SNX13: variants seen among roughly 807,000 people sequenced by gnomAD.
SNX13 encodes the protein sorting nexin 13, also known as sorting nexin-13.
Under a neutral mutation model 133.6 loss-of-function variants are expected in SNX13, and 45 were observed. The observed-to-expected ratio is 0.34, with a 90% CI of 0.27 to 0.43. The LOEUF (loss-of-function observed/expected upper bound fraction) is 0.43. SNX13 is among the 20% of genes least tolerant of loss of function. SNX13 has a pLI of 1.00. For missense variants in SNX13, 1,032 were observed against 1,145.1 expected (o/e 0.90, Z 1.43); for synonymous variants, 414 against 373.9 (o/e 1.11, Z -1.24).
intron 1 of SNX13, among the ~76,000 whole-genome samples, chr7:17,937,194 G>C (rs773170897): frequency 6.6e-6 from 1 of 151,494 alleles, no homozygotes; most frequent in Admixed American, 6.6e-5. Flanking sequence ...AACTATATGG[G>C]AGCTATACTT....
At chr7:17,801,277 T>A (rs139098609) in intron 22 of SNX13, among the ~76,000 whole-genome samples, 8 of 151,540 alleles carry the variant, frequency 5.3e-5, no homozygotes, top group Non-Finnish European at 1.0e-4. Context: ...TCAGACTTCA[T>A]GGAATACGTA....
chr7:17,832,131 G>C, intron 15 of SNX13: 1 of 984,036 alleles, frequency 1.0e-6, no homozygotes, highest in African/African-American at 1.7e-5. Flanking sequence ...CTCAATAACT[G>C]ATATATAAGA....
chr7:17,851,109 AC>A (rs1156696825), intron 9 of SNX13, 145 bp from the exon 10 acceptor site: 1 of 753,064 alleles, frequency 1.3e-6, no homozygotes, highest in Non-Finnish European at 2.1e-6. Context: ...ATATTTGGGC[AC>A]CTATTTTCCA....
chr7:17,883,069 G>A (rs1795554977), intron 5 of SNX13: 9 of 258,900 alleles, frequency 3.5e-5, no homozygotes, highest in South Asian at 3.1e-4. Context: ...AAGCAAATTG[G>A]TGGAAACGAA....
At chr7:17,896,606 T>C (rs1395862982) in intron 2 of SNX13, among the ~76,000 whole-genome samples, 1 of 152,144 alleles carries the variant, frequency 6.6e-6, no homozygotes, top group Non-Finnish European at 1.5e-5. Flanking sequence ...CACAACTAAC[T>C]ACATAAATAC....
At chr7:17,898,279 A>G (rs529933150) in intron 1 of SNX13, 38 of 152,354 alleles carry the variant, frequency 2.5e-4, no homozygotes, top group African/African-American at 9.1e-4. Context: ...TCATGCCGTC[A>G]AGGAGCATAG....
intron 1 of SNX13, among the ~76,000 whole-genome samples, chr7:17,921,960 A>G (rs900702186): frequency 6.6e-6 from 1 of 152,186 alleles, no homozygotes; most frequent in Non-Finnish European, 1.5e-5. Context: ...TATCATAAGC[A>G]TTTCACCTCC....
At chr7:17,845,511 A>T (rs930159582) in intron 12 of SNX13, 84 bp downstream of exon 12, 3 of 815,894 alleles carry the variant, frequency 3.7e-6, no homozygotes, top group African/African-American at 1.8e-5. Flanking sequence ...TAGTTGAGAT[A>T]CTAAATTTTA....
At chr7:17,938,539 A>C (rs1802376658) in intron 1 of SNX13, among the ~76,000 whole-genome samples, 1 of 152,228 alleles carries the variant, frequency 6.6e-6, no homozygotes, top group African/African-American at 2.4e-5. Context: ...CCAAGGTTGG[A>C]ATCCTGCTTC....
rs74669599 is a variant in SNX13, at chr7:17,903,846, G to A, written c.13-6400C>T. Among the ~76,000 whole-genome samples, 3 of 152,202 alleles carry A rather than the reference G, an allele frequency of 2.0e-5. No individual in the cohort carries two copies. The East Asian group carries it at 5.8e-4, about 29-fold the overall frequency. On this transcript the variant is annotated intron_variant, in intron 1 of 25. Transcript: ENST00000428135. ...CAAGAAAGTAGTCAGAAAACTACCT[G>A]CAATAAGTGAATATAATAAATTCCT...
chr7:17,812,396 A>G (rs1335956197), intron 20 of SNX13, among the ~76,000 whole-genome samples: 3 of 152,218 alleles, frequency 2.0e-5, no homozygotes, highest in African/African-American at 7.2e-5. Flanking sequence ...CATGAAAAAA[A>G]GCTCAACATC....
intron 17 of SNX13, among the ~76,000 whole-genome samples, 158 bp downstream of exon 17, chr7:17,825,864 T>C (rs181656281): frequency 1.3e-5 from 2 of 151,964 alleles, no homozygotes; most frequent in Admixed American, 1.3e-4. Flanking sequence ...AGCAAATAAA[T>C]ATAGCAGAAT....
At chr7:17,804,129 T>C (rs1002720403) in intron 20 of SNX13, among the ~76,000 whole-genome samples, 2 of 152,072 alleles carry the variant, frequency 1.3e-5, no homozygotes, top group Admixed American at 1.3e-4. Flanking sequence ...AGGTTATTCT[T>C]AGAAAATCAA....
chr7:17,903,117 C>T (rs187536040), intron 1 of SNX13, among the ~76,000 whole-genome samples: 3 of 152,220 alleles, frequency 2.0e-5, no homozygotes, highest in Admixed American at 2.0e-4. Flanking sequence ...ATTGAGATAT[C>T]CATGCTGACT....
chr7:17,846,222 G>A (rs537901587), intron 11 of SNX13, among the ~76,000 whole-genome samples: 2 of 150,738 alleles, frequency 1.3e-5, no homozygotes, highest in East Asian at 3.9e-4. Flanking sequence ...CAAAGTCACA[G>A]AGCAAGGAAA....
chr7:17,925,109 G>A (rs1410181251), intron 1 of SNX13, among the ~76,000 whole-genome samples: 1 of 152,122 alleles, frequency 6.6e-6, no homozygotes, highest in Non-Finnish European at 1.5e-5. Flanking sequence ...CTCTACTCAG[G>A]AGGCTGAGGC....
At chr7:17,854,047 A>AT (rs1791578244) in intron 9 of SNX13, among the ~76,000 whole-genome samples, 1 of 152,222 alleles carries the variant, frequency 6.6e-6, no homozygotes, top group Non-Finnish European at 1.5e-5. Context: ...AACAAAACTG[A>AT]AATTTGTACC....
chr7:17,876,530 T>G lies in SNX13; in HGVS notation c.441-740A>C, dbSNP rs1454478532. ...AGGAGGTCAACGCTGCAGTGAGCTG[T>G]GACCACACCACTGCATTCGAGCCTG... On this transcript the variant is annotated intron_variant, in intron 5 of 25. Coordinates refer to ENST00000428135, the MANE Select transcript of SNX13 (RefSeq NM_015132.5). 3.6e-5 allele frequency among the ~76,000 whole-genome samples: 5 copies of G among 140,652 alleles called. No individual in the cohort carries two copies. In the East Asian group the frequency reaches 1.0e-3, roughly 29 times the overall value. 92.3% of individuals were successfully genotyped at this position (140,652 alleles called of 152,430 possible).
At chr7:17,929,192 G>C (rs1418377928) in intron 1 of SNX13, among the ~76,000 whole-genome samples, 1 of 151,936 alleles carries the variant, frequency 6.6e-6, no homozygotes, top group African/African-American at 2.4e-5. Context: ...TCAGTGACAA[G>C]AAAGAAAAGA....
Sources: gnomAD v4.1 joint callset for allele counts (sites outside exome capture counted in the v4.1 genomes callset) on GRCh38, gnomAD v4.1.1 for gene constraint, MANE v1.5 for transcripts, NCBI Gene and HGNC (gene_info 2026-07-23, HGNC 2026-07-21) for gene names.